The following DPH6 variants were observed in gnomAD, a reference collection of about 807,000 sequenced individuals.
The protein encoded by DPH6 is diphthine--ammonia ligase.
DPH6 carries 33 observed loss-of-function variants against 38.2 expected under a neutral mutation model. That is an observed-to-expected ratio of 0.86 (90% confidence interval 0.65 to 1.15). The LOEUF is 1.15. Among genes scored for constraint, DPH6 ranks in the 50% most tolerant of loss-of-function variants. DPH6 has a pLI of 0.00. For synonymous variants in DPH6, 108 were observed against 103.0 expected, an observed-to-expected ratio of 1.05 and a Z score of -0.30; for missense variants, 325 against 320.0, an observed-to-expected ratio of 1.02 and a Z score of -0.12.
At chr15:35,233,897 T>C (rs771221403) in intron 3 of DPH6, among the ~76,000 whole-genome samples, 7 of 152,224 alleles carry the variant, frequency 4.6e-5, no homozygotes, top group Non-Finnish European at 8.8e-5. Context: ...CACTCAAACA[T>C]CACCTTTCAG....
chr15:35,422,684 T>A (rs558193567), intron 5 of DPH6, among the ~76,000 whole-genome samples: 3 of 151,990 alleles, frequency 2.0e-5, no homozygotes, highest in South Asian at 4.1e-4. Flanking sequence ...TTATCTTGCA[T>A]AACTAACTCT....
At chr15:35,416,358 A>C (rs374964740) in intron 5 of DPH6, among the ~76,000 whole-genome samples, 1 of 152,162 alleles carries the variant, frequency 6.6e-6, no homozygotes, top group East Asian at 1.9e-4. Context: ...AACAATTTTA[A>C]AACATATTTT....
chr15:35,426,098 G>A (rs1233262789), intron 5 of DPH6, among the ~76,000 whole-genome samples: 3 of 151,440 alleles, frequency 2.0e-5, no homozygotes, highest in East Asian at 1.9e-4. Context: ...TACAGTACTC[G>A]AAATTTGTAT....
the DPH6 span, among the ~76,000 whole-genome samples, chr15:35,210,946 C>CT: frequency 0.054 from 3,295 of 61,566 alleles, 1,195 homozygotes; most frequent in African/African-American, 0.15. Context: ...AGATAGATCA[C>CT]TTTTTTTTTT....
chr15:35,160,958 G>T, the DPH6 span, among the ~76,000 whole-genome samples: 1 of 151,970 alleles, frequency 6.6e-6, no homozygotes, highest in Non-Finnish European at 1.5e-5. Flanking sequence ...CATGGATACA[G>T]GAAGGGGAAC....
Position 35,436,505 on chromosome 15 carries a change from A to AAACAAAC in DPH6, c.505+14179_505+14180insGTTTGTT, listed in dbSNP as rs761091819. Among the ~76,000 whole-genome samples the AAACAAAC allele has an allele frequency of 4.4e-3, 221 of 50,150 alleles. 12 individuals are homozygous for AAACAAAC. Among genetic ancestry groups the AAACAAAC allele is most frequent in the African/African-American group, 0.011 (215 of 18,726 alleles). The allele number at this position is 50,150 out of a possible 152,430, so 32.9% of individuals were successfully genotyped here. On this transcript the variant is annotated intron_variant, in intron 5 of 8. Coordinates refer to ENST00000256538, the MANE Select transcript of DPH6 (RefSeq NM_080650.4). Reference sequence around the variant, plus strand: ...AAAACAAAACAAAACAAAACAAAACAAAACAAAACAAAAAAGGTTCTCTCC... The same window carrying AAACAAAC: ...AAAACAAAACAAAACAAAACAAAACAAACAAACAAACAAAACAAAAAAGGTTCTCTCC...
chr15:35,532,704 CT>C (rs1287851677), intron 3 of DPH6, among the ~76,000 whole-genome samples: 1 of 152,012 alleles, frequency 6.6e-6, no homozygotes, highest in African/African-American at 2.4e-5. Flanking sequence ...TATACAGGTC[CT>C]TAACTATAAG....
At chr15:35,262,705 C>CAAAAAAAAAAAAAAAAAAAAAA (rs58580024) in intron 3 of DPH6, among the ~76,000 whole-genome samples, 6 of 82,632 alleles carry the variant, frequency 7.3e-5, no homozygotes, top group African/African-American at 3.2e-4. Context: ...GACTCCGTCT[C>CAAAAAAAAAAAAAAAAAAAAAA]AAAAAAAAAA....
chr15:35,392,651 T>G (rs1300209982), intron 6 of DPH6, among the ~76,000 whole-genome samples: 1 of 152,216 alleles, frequency 6.6e-6, no homozygotes, highest in Non-Finnish European at 1.5e-5. Context: ...CTTATTGTCT[T>G]GTATAGACCA....
the DPH6 span, among the ~76,000 whole-genome samples, chr15:35,201,872 A>G: frequency 1.3e-5 from 2 of 151,640 alleles, no homozygotes; most frequent in African/African-American, 4.8e-5. Context: ...TCTATGTTGA[A>G]ATGTGTTCAA....
chr15:35,410,708 C>T, intron 6 of DPH6, 127 bp downstream of exon 6: 2 of 706,592 alleles, frequency 2.8e-6, no homozygotes, highest in South Asian at 2.4e-5. Context: ...TTAATTTTTT[C>T]ATAAATATAT....
downstream of DPH6, among the ~76,000 whole-genome samples, chr15:35,325,992 A>G (rs374856651): frequency 2.0e-5 from 3 of 152,330 alleles, no homozygotes; most frequent in East Asian, 5.8e-4. Context: ...TAATACCAAC[A>G]CAAGATACCA....
At chr15:35,286,432 C>T (rs938827448) in intron 3 of DPH6, among the ~76,000 whole-genome samples, 2 of 152,226 alleles carry the variant, frequency 1.3e-5, no homozygotes, top group Non-Finnish European at 2.9e-5. Flanking sequence ...CTGCTCACTT[C>T]ACTCTCCATC....
At chr15:35,206,739 C>T in the DPH6 span, among the ~76,000 whole-genome samples, 2 of 152,138 alleles carry the variant, frequency 1.3e-5, no homozygotes, top group African/African-American at 4.8e-5. Flanking sequence ...AAATAAATTA[C>T]TTTATTTGCC....
chr15:35,524,458 T>C (rs543027686), intron 3 of DPH6, among the ~76,000 whole-genome samples: 45 of 152,268 alleles, frequency 3.0e-4, no homozygotes, highest in African/African-American at 4.6e-4. Flanking sequence ...CTCCGCCTCA[T>C]TGTCAATTTA....
chr15:35,387,685 T>C (rs561806237), intron 6 of DPH6, among the ~76,000 whole-genome samples: 6 of 152,290 alleles, frequency 3.9e-5, no homozygotes, highest in African/African-American at 1.4e-4. Context: ...CTTTTGCACA[T>C]TGATTTTGTA....
At chr15:35,519,510 G>A (rs1310808045) in intron 3 of DPH6, 1 of 151,750 alleles carries the variant, frequency 6.6e-6, no homozygotes, top group Non-Finnish European at 1.5e-5. Flanking sequence ...ATTTACCAAG[G>A]GATAAAAAGA....
At chr15:35,330,696 T>A (rs1036417875), downstream of DPH6, 5 of 152,202 alleles carry the variant, frequency 3.3e-5, no homozygotes, top group African/African-American at 1.2e-4. Context: ...AGCTTTAGAA[T>A]ACGTTTCTGA....
the DPH6 span, among the ~76,000 whole-genome samples, chr15:35,152,073 C>T: frequency 2.2e-4 from 34 of 152,152 alleles, 1 homozygote; most frequent in Non-Finnish European, 4.4e-5. Context: ...TTAATTTCAA[C>T]GTTTAAGATT....
Sources: allele counts gnomAD v4.1 joint callset (sites outside exome capture counted in the v4.1 genomes callset), GRCh38; gene constraint gnomAD v4.1.1; transcripts MANE v1.5; gene names NCBI Gene and HGNC (gene_info 2026-07-23, HGNC 2026-07-21).